Variants in DCDC1 observed in about 807,000 individuals in gnomAD.
DCDC1 encodes the protein doublecortin domain-containing protein 1.
Under a neutral mutation model 178.3 loss-of-function variants are expected in DCDC1, and 200 were observed. The ratio of observed to expected loss-of-function variants is 1.12; its 90% CI spans 1.00 to 1.26. The LOEUF (loss-of-function observed/expected upper bound fraction) is 1.26. DCDC1 is among the 50% of genes most tolerant of loss of function. The probability of loss-of-function intolerance (pLI) is 0.00; values close to 1 mark genes in which losing one functional copy is unlikely to be tolerated. For synonymous variants in DCDC1, 690 were observed against 604.8 expected (o/e 1.14, Z -2.07); for missense variants, 1,983 against 1,749.2 (o/e 1.13, Z -2.38).
intron 9 of DCDC1, among the ~76,000 whole-genome samples, chr11:31,186,220 ACT>A (rs939461442): frequency 1.3e-5 from 2 of 150,784 alleles, no homozygotes; most frequent in East Asian, 2.0e-4. Context: ...AGCCCTCTCC[ACT>A]CTCTCCAACA....
intron 34 of DCDC1, among the ~76,000 whole-genome samples, chr11:30,896,414 G>A (rs145770921): frequency 6.6e-6 from 1 of 152,118 alleles, no homozygotes; most frequent in Non-Finnish European, 1.5e-5. Flanking sequence ...TTGGCCCATT[G>A]TTTCTCTTAG....
intron 21 of DCDC1, among the ~76,000 whole-genome samples, chr11:30,932,991 CT>C (rs34817365): frequency 0.63 from 91,157 of 145,224 alleles, 28,348 homozygotes; most frequent in Middle Eastern, 0.77. Flanking sequence ...TATTCTTTCT[CT>C]TTTTTTTTTT....
intron 9 of DCDC1, among the ~76,000 whole-genome samples, chr11:31,223,925 T>C (rs1031325519): frequency 1.3e-5 from 2 of 152,032 alleles, no homozygotes; most frequent in African/African-American, 4.8e-5. Flanking sequence ...CAAGATACAA[T>C]CCCACATGTT....
intron 9 of DCDC1, among the ~76,000 whole-genome samples, chr11:31,223,968 G>C (rs184735647): frequency 1.3e-5 from 2 of 152,094 alleles, no homozygotes; most frequent in African/African-American, 4.8e-5. Flanking sequence ...GGAGGTCATT[G>C]AATCATGGGG....
At position 31,221,223 on chromosome 11, in the gene DCDC1, T is replaced by C. The variant is rs72886079; in HGVS notation, c.1221+20227A>G. Among the ~76,000 whole-genome samples, 795 of 152,296 alleles carry C rather than the reference T, an allele frequency of 5.2e-3. 4 individuals are homozygous for C. The highest frequency in any genetic ancestry group is 9.9e-3 in the Non-Finnish European group (672 of 68,018). The stretch of plus-strand genomic sequence containing the variant: ...AGTCTAGAGTCTCAAGTAAATATCA[T>C]CTAAATCAGATATGGGTCAGACCCA... On this transcript the variant is annotated intron_variant, in intron 9 of 38. Coordinates refer to ENST00000684477, the MANE Select transcript of DCDC1 (RefSeq NM_001387274.1).
chr11:31,116,265 C>T lies in DCDC1; in HGVS notation c.1486-5904G>A, dbSNP rs189698056. 1.1e-3 allele frequency among the ~76,000 whole-genome samples: 166 copies of T among 151,720 alleles called. 1 individual carries two copies. Among genetic ancestry groups the T allele is most frequent in the African/African-American group, 3.7e-3 (153 of 41,350 alleles). ...TACCTTATATCTAATATTAGAAGCTCTAATATATGAAAATTGAAATGAAAA... is the reference window on the plus strand; with the variant it reads ...TACCTTATATCTAATATTAGAAGCTTTAATATATGAAAATTGAAATGAAAA... On this transcript the variant is annotated intron_variant, in intron 11 of 38. Transcript: ENST00000684477.
intron 9 of DCDC1, among the ~76,000 whole-genome samples, chr11:31,196,379 G>A (rs1450828612): frequency 2.0e-5 from 3 of 151,910 alleles, no homozygotes; most frequent in African/African-American, 4.8e-5. Flanking sequence ...CACAGGTTAA[G>A]GGTTTAGTTG....
chr11:31,050,293 C>T (rs1224690521), intron 20 of DCDC1, among the ~76,000 whole-genome samples: 1 of 152,088 alleles, frequency 6.6e-6, no homozygotes, highest in Admixed American at 6.5e-5. Context: ...CTCCTAGGCA[C>T]ACAACTCCAG....
In DCDC1 at chr11:31,106,777, A is replaced by C. The variant is rs757973939; in HGVS notation, c.1751+20T>G. ...TCCCCTGGAAAGATTGAGGACAGAA[A>C]ACAAACCCCTTGCTCCTACCTGTAT... On this transcript the variant is annotated intron_variant, in intron 13 of 38. Coordinates refer to ENST00000684477, the MANE Select transcript of DCDC1 (RefSeq NM_001387274.1). 1.3e-6 allele frequency: 1 copy of C among 764,450 alleles called. No individual in the cohort carries two copies. Among genetic ancestry groups the C allele is most frequent in the Admixed American group, 1.7e-5 (1 of 58,444 alleles). 47.4% of individuals were successfully genotyped at this position (764,450 alleles called of 1,614,324 possible).
Position 30,881,209 on chromosome 11 carries a change from G to T in DCDC1, c.5182C>A (p.Arg1728=). 6.2e-7 allele frequency: 1 copy of T among 1,613,506 alleles called. No individual in the cohort carries two copies. Among genetic ancestry groups the T allele is most frequent in the Non-Finnish European group, 8.5e-7 (1 of 1,179,614 alleles). The change falls in exon 37 of 39, where the codon CGA becomes AGA. Residue 1728 remains arginine, a synonymous_variant. Transcript: ENST00000684477. Reference sequence around the variant, plus strand: ...ATAGACACACAGATGACCATATCTCGCTCTATGTCGTCCCAGGACTGAATT... The same window carrying T: ...ATAGACACACAGATGACCATATCTCTCTCTATGTCGTCCCAGGACTGAATT... ...EPIQSWDDIE[R]DMVICVSMGH...
chr11:30,975,252 C>A (rs1189046099), intron 20 of DCDC1, among the ~76,000 whole-genome samples: 1 of 151,844 alleles, frequency 6.6e-6, no homozygotes, highest in Non-Finnish European at 1.5e-5. Flanking sequence ...TATGACAAAC[C>A]CACAGCTAAC....
chr11:31,368,942 ACACCACCACCAC>A (rs534970534), intron 1 of DCDC1, among the ~76,000 whole-genome samples: 8 of 151,712 alleles, frequency 5.3e-5, no homozygotes, highest in South Asian at 2.1e-4. Flanking sequence ...GGTGAGAAAA[ACACCACCACCAC>A]CACCACCACC....
Position 31,098,566 on chromosome 11 carries a change from A to C in DCDC1, c.1983+3611T>G, listed in dbSNP as rs16921780. On this transcript the variant is annotated intron_variant, in intron 15 of 38. Transcript: ENST00000684477. ...ATATCTCTATCTCAAGCCAATTTTAAAACATATGCATCAAGAATATCGGCT... is the reference window on the plus strand; with the variant it reads ...ATATCTCTATCTCAAGCCAATTTTACAACATATGCATCAAGAATATCGGCT... Among the ~76,000 whole-genome samples the C allele has an allele frequency of 6.0e-3, 920 of 152,282 alleles. 36 individuals carry two copies. The highest frequency in any genetic ancestry group is 0.046 in the Admixed American group (703 of 15,286).
chr11:31,328,623 C>T (rs533179003), intron 2 of DCDC1, among the ~76,000 whole-genome samples: 151 of 151,878 alleles, frequency 9.9e-4, no homozygotes, highest in African/African-American at 3.2e-3. Context: ...ACAGTGAAAC[C>T]CCGTCTCTAC....
chr11:31,047,939 C>T (rs978622631), intron 20 of DCDC1, among the ~76,000 whole-genome samples: 1 of 152,142 alleles, frequency 6.6e-6, no homozygotes, highest in Non-Finnish European at 1.5e-5. Flanking sequence ...GCACTTTATA[C>T]TAATACTAAC....
At chr11:31,190,676 T>TC (rs1970032101) in intron 9 of DCDC1, among the ~76,000 whole-genome samples, 1 of 152,170 alleles carries the variant, frequency 6.6e-6, no homozygotes, top group Admixed American at 6.6e-5. Flanking sequence ...TCTATTTTAC[T>TC]CACACTCTTA....
chr11:31,356,809 C>T (rs1951397044), intron 1 of DCDC1, among the ~76,000 whole-genome samples: 3 of 148,714 alleles, frequency 2.0e-5, no homozygotes, highest in African/African-American at 5.0e-5. Flanking sequence ...CTACAAACAC[C>T]TCTACGCAAA....
chr11:30,930,019 C>T (rs935849187), intron 22 of DCDC1, among the ~76,000 whole-genome samples: 1 of 152,020 alleles, frequency 6.6e-6, no homozygotes. Flanking sequence ...GTTACTAGGG[C>T]AAGATTTGGT....
At chr11:30,945,092 C>A (rs1032009234) in intron 21 of DCDC1, among the ~76,000 whole-genome samples, 1 of 149,212 alleles carries the variant, frequency 6.7e-6, no homozygotes, top group African/African-American at 2.5e-5. Flanking sequence ...CCTCAGCCTC[C>A]TGAGTAGCTG....
Sources: gnomAD v4.1 joint callset for allele counts (sites outside exome capture counted in the v4.1 genomes callset) on GRCh38, gnomAD v4.1.1 for gene constraint, MANE v1.5 for transcripts, NCBI Gene and HGNC (gene_info 2026-07-23, HGNC 2026-07-21) for gene names.